MGST1: variants seen among roughly 807,000 people sequenced by gnomAD.
MGST1 encodes the protein glutathione S-transferase 12.
In MGST1, 5 loss-of-function variants were observed where a neutral mutation model predicts 8.9. That is an observed-to-expected ratio of 0.56 (90% CI 0.29 to 1.19). MGST1 has a LOEUF of 1.19. MGST1 is among the 50% of genes most tolerant of loss of function. The pLI, the probability that MGST1 is intolerant of heterozygous loss-of-function variation, is 0.08. For synonymous variants in MGST1, 54 were observed against 67.8 expected (o/e 0.80, Z 1.00); for missense variants, 182 against 187.4 (o/e 0.97, Z 0.17).
chr12:16,445,038 C>A (rs11835209), intron 4 of MGST1, among the ~76,000 whole-genome samples: 1 of 151,404 alleles, frequency 6.6e-6, no homozygotes, highest in Non-Finnish European at 1.5e-5. Context: ...CTGCTGAAAC[C>A]GCCACATTCA....
In MGST1 at chr12:16,458,316, G is replaced by A. The variant is rs111637092; in HGVS notation, n.482+74712G>A. Among the ~76,000 whole-genome samples, 14 of 152,072 alleles carry A rather than the reference G, an allele frequency of 9.2e-5. No individual in the cohort carries two copies. The South Asian group carries it at 2.7e-3, about 29-fold the overall frequency. Reference sequence around the variant, plus strand: ...GGTCAGCAGATTGCTTATGCTGATCGCAATGATTTGAAGTTGTGATTACCA... The same window carrying A: ...GGTCAGCAGATTGCTTATGCTGATCACAATGATTTGAAGTTGTGATTACCA... On this transcript the variant is annotated intron_variant and non_coding_transcript_variant, in intron 4 of 4. Transcript: ENST00000538857. This position sits in a 1 kb window ranked among gnomAD's most constrained non-coding sequence, Gnocchi z 4.0.
At chr12:16,407,728 G>A (rs1419847707) in intron 1 of MGST1, among the ~76,000 whole-genome samples, 1 of 152,014 alleles carries the variant, frequency 6.6e-6, no homozygotes, top group African/African-American at 2.4e-5. Context: ...GGAATACTAT[G>A]CAGCCATAAA....
At chr12:16,554,495 CT>C (rs1186991416) in intron 4 of MGST1, among the ~76,000 whole-genome samples, 1 of 152,160 alleles carries the variant, frequency 6.6e-6, no homozygotes, top group Admixed American at 6.5e-5. Context: ...CATTCCTCCA[CT>C]ATACACCTGT....
At chr12:16,492,842 A>G (rs1037940756) in intron 4 of MGST1, among the ~76,000 whole-genome samples, 3 of 152,182 alleles carry the variant, frequency 2.0e-5, no homozygotes, top group African/African-American at 7.2e-5. Flanking sequence ...TTGCTAATGT[A>G]TATTTACATG....
At position 16,428,156 on chromosome 12, in the gene MGST1, G is replaced by T. The variant is rs79981710; in HGVS notation, n.779-9232G>T. 9.4e-3 allele frequency among the ~76,000 whole-genome samples: 1,423 copies of T among 151,624 alleles called. 85 individuals carry two copies. In the East Asian group the frequency reaches 0.17, roughly 18 times the overall value. ...CAAATTTTGATTTATTTTCATAAAT[G>T]TCCCTTCATAGCTTTTTCCAAACAT... On this transcript the variant is annotated intron_variant and non_coding_transcript_variant, in intron 1 of 1. Transcript: ENST00000359720.
At chr12:16,419,970 G>A (rs1403867296) in intron 1 of MGST1, among the ~76,000 whole-genome samples, 1 of 152,176 alleles carries the variant, frequency 6.6e-6, no homozygotes, top group Admixed American at 6.5e-5. Context: ...GCTGACTAGA[G>A]GGATTCTGGT....
rs1941370579 is a variant in MGST1 at position 16,482,450 on chromosome 12, G to A, written n.482+98846G>A. Among the ~76,000 whole-genome samples, 1 of 152,098 alleles carries A rather than the reference G, an allele frequency of 6.6e-6. No homozygotes were observed. The highest frequency in any genetic ancestry group is 2.4e-5 in the African/African-American group (1 of 41,404). ...GTTCCAGATCAGCCTGGCCAAGAGG[G>A]TGAAACACCGTCTCTACTAAAAATA... is the stretch of plus-strand genomic sequence containing the variant. On this transcript the variant is annotated intron_variant and non_coding_transcript_variant, in intron 4 of 4. Coordinates refer to the MGST1 transcript ENST00000538857. This position sits in a 1 kb window ranked among gnomAD's most constrained non-coding sequence, Gnocchi z 4.2.
At chr12:16,487,973 T>C (rs7486727) in intron 4 of MGST1, among the ~76,000 whole-genome samples, 1,657 of 152,326 alleles carry the variant, frequency 0.011, 18 homozygotes, top group Non-Finnish European at 0.018. Context: ...GGTGAAAAAT[T>C]TGAATTACAT....
intron 4 of MGST1, among the ~76,000 whole-genome samples, chr12:16,562,720 T>G (rs1942446833): frequency 6.6e-6 from 1 of 152,214 alleles, no homozygotes; most frequent in Non-Finnish European, 1.5e-5. Context: ...TCAATCTCAC[T>G]TCCAGGCCCA....
chr12:16,557,902 C>T (rs1942253008), intron 4 of MGST1, among the ~76,000 whole-genome samples: 1 of 152,016 alleles, frequency 6.6e-6, no homozygotes, highest in Admixed American at 6.6e-5. Context: ...ATGTCACATT[C>T]TTTCTACTAT....
chr12:16,498,373 C>T (rs1333818940), intron 4 of MGST1, among the ~76,000 whole-genome samples: 1 of 152,114 alleles, frequency 6.6e-6, no homozygotes, highest in Non-Finnish European at 1.5e-5. Context: ...TATAGCAGCA[C>T]AGACAGAAGA....
chr12:16,536,333 A>G (rs1258122668), intron 4 of MGST1, among the ~76,000 whole-genome samples: 2 of 152,186 alleles, frequency 1.3e-5, no homozygotes, highest in African/African-American at 4.8e-5. Flanking sequence ...ACTGTGTATG[A>G]AAAAACTACG....
At chr12:16,583,333 TA>T (rs1324267079) in intron 4 of MGST1, among the ~76,000 whole-genome samples, 2 of 151,660 alleles carry the variant, frequency 1.3e-5, no homozygotes, top group African/African-American at 2.4e-5. Context: ...AATTAGACAA[TA>T]GGGGAATTGA....
intron 1 of MGST1, among the ~76,000 whole-genome samples, chr12:16,412,278 G>C (rs1367240628): frequency 6.6e-6 from 1 of 150,972 alleles, no homozygotes; most frequent in African/African-American, 2.4e-5. Context: ...ATACCTACCT[G>C]AGAGGGTTGT....
chr12:16,573,429 G>C (rs1046722636), intron 4 of MGST1: 3 of 152,168 alleles, frequency 2.0e-5, no homozygotes, highest in African/African-American at 7.2e-5. Flanking sequence ...TTGAACGCGT[G>C]TGTGCGTGTC....
At chr12:16,583,520 G>A (rs993212138) in intron 4 of MGST1, among the ~76,000 whole-genome samples, 1 of 152,136 alleles carries the variant, frequency 6.6e-6, no homozygotes, top group Non-Finnish European at 1.5e-5. Context: ...TGGAGCCAAG[G>A]ACATAAAATT....
intron 4 of MGST1, among the ~76,000 whole-genome samples, chr12:16,456,295 T>C (rs1167693169): frequency 1.3e-5 from 2 of 151,870 alleles, no homozygotes; most frequent in African/African-American, 4.8e-5. Flanking sequence ...TGTCAAATAT[T>C]TTCTGAATGT....
chr12:16,427,808 TA>T (rs1940903220), intron 1 of MGST1, among the ~76,000 whole-genome samples: 1 of 152,214 alleles, frequency 6.6e-6, no homozygotes, highest in African/African-American at 2.4e-5. Context: ...TTAAAAAACT[TA>T]TTTTTTTAAT....
chr12:16,585,364 T>C lies in MGST1; in HGVS notation n.483-4164T>C, dbSNP rs1591812666. On this transcript the variant is annotated intron_variant and non_coding_transcript_variant, in intron 4 of 4. Transcript: ENST00000538857. This position sits in a 1 kb window ranked among gnomAD's most constrained non-coding sequence, Gnocchi z 4.7. ...ATTTTTAAAAAGTGGATTAACTTTA[T>C]GTTAAACAATCACTTGGCCACAAAG... Among the ~76,000 whole-genome samples, 1 of 152,242 alleles carries C rather than the reference T, an allele frequency of 6.6e-6. No homozygotes were observed.
Sources: allele counts gnomAD v4.1 joint callset (sites outside exome capture counted in the v4.1 genomes callset), GRCh38; gene constraint gnomAD v4.1.1; non-coding constraint Gnocchi (gnomAD v3.1); transcripts MANE v1.5; gene names NCBI Gene and HGNC (gene_info 2026-07-23, HGNC 2026-07-21).